The following CSMD1 variants were observed in gnomAD, a reference collection of about 807,000 sequenced individuals.
CSMD1 encodes CUB and sushi domain-containing protein 1.
Under a neutral mutation model 417.5 loss-of-function variants are expected in CSMD1, and 213 were observed. The observed-to-expected ratio is 0.51, with a 90% CI of 0.46 to 0.57. CSMD1 has a LOEUF of 0.57. Among genes scored for constraint, CSMD1 ranks in the 20% least tolerant of loss-of-function variants. The probability of loss-of-function intolerance (pLI) is 0.00; values close to 1 mark genes in which losing one functional copy is unlikely to be tolerated. For missense variants in CSMD1, 6,923 were observed against 4,529.7 expected (o/e 1.53, Z -15.17); for synonymous variants, 2,862 against 1,736.8 (o/e 1.65, Z -16.11).
intron 2 of CSMD1, among the ~76,000 whole-genome samples, chr8:4,534,331 C>A (rs371562283): frequency 7.9e-5 from 12 of 152,332 alleles, no homozygotes; most frequent in East Asian, 5.8e-4. Context: ...TACTCTCTGG[C>A]TTACTTTGAA....
chr8:4,043,265 T>C lies in CSMD1; in HGVS notation c.416-11166A>G, dbSNP rs550033574. 4.6e-5 allele frequency among the ~76,000 whole-genome samples: 7 copies of C among 151,662 alleles called. No homozygotes were observed. The East Asian group carries it at 1.2e-3, about 25-fold the overall frequency. ...ACAGCTATTAGGCTAGCATAGGAGA[T>C]AAAACGAATCACAGAAAGTACCCAA... is the stretch of plus-strand genomic sequence containing the variant. On this transcript the variant is annotated intron_variant, in intron 3 of 69. Transcript: ENST00000635120.
chr8:4,768,578 G>A (rs779396080), intron 1 of CSMD1, among the ~76,000 whole-genome samples: 2 of 152,156 alleles, frequency 1.3e-5, no homozygotes. Context: ...GATTGCACGA[G>A]CTCAGAGCTG....
chr8:3,796,429 T>TATAGATATATATCTATCATGTATATAG (rs202209320), intron 5 of CSMD1, among the ~76,000 whole-genome samples: 1 of 107,296 alleles, frequency 9.3e-6, no homozygotes, highest in African/African-American at 3.5e-5. Context: ...CATGTATAGA[T>TATAGATATATATCTATCATGTATATAG]ATATATATCT....
At position 3,560,210 on chromosome 8, in the gene CSMD1, G is replaced by A. The variant is rs78390273; in HGVS notation, c.1344+14735C>T. 8.5e-5 allele frequency among the ~76,000 whole-genome samples: 13 copies of A among 152,128 alleles called. No homozygotes were observed. In the East Asian group the frequency reaches 2.3e-3, roughly 27 times the overall value. On this transcript the variant is annotated intron_variant, in intron 10 of 69. Coordinates refer to ENST00000635120, the MANE Select transcript of CSMD1 (RefSeq NM_033225.6). The stretch of plus-strand genomic sequence containing the variant: ...AATAATGGAATGCAAAGAAATTCAA[G>A]GTCCAAAGAAGAAATTATATTAATA...
At chr8:4,289,847 G>C (rs1055104789) in intron 3 of CSMD1, among the ~76,000 whole-genome samples, 1 of 152,184 alleles carries the variant, frequency 6.6e-6, no homozygotes, top group Non-Finnish European at 1.5e-5. Flanking sequence ...GCTCAGAGTA[G>C]ATATTCAAAG....
intron 2 of CSMD1, among the ~76,000 whole-genome samples, chr8:4,601,802 T>A (rs1456308767): frequency 6.6e-6 from 1 of 152,206 alleles, no homozygotes; most frequent in Non-Finnish European, 1.5e-5. Flanking sequence ...TAAACTTGAT[T>A]TATCCATGTC....
intron 23 of CSMD1, among the ~76,000 whole-genome samples, chr8:3,320,825 G>T (rs1563269567): frequency 6.6e-6 from 1 of 152,310 alleles, no homozygotes; most frequent in South Asian, 2.1e-4. Context: ...CAGAGCGAGG[G>T]CGCAGGGTCA....
Position 4,314,214 on chromosome 8 carries a change from CGTTAATA to C in CSMD1, c.415+105732_415+105738del, listed in dbSNP as rs199715565. Among the ~76,000 whole-genome samples the C allele has an allele frequency of 8.2e-3, 1,240 of 151,962 alleles. 14 individuals are homozygous for C. Among genetic ancestry groups the C allele is most frequent in the African/African-American group, 0.029 (1,189 of 41,424 alleles). On this transcript the variant is annotated intron_variant, in intron 3 of 69. Transcript: ENST00000635120. ...CTCATTATTTTCAAGACTGCAGTCA[CGTTAATA>C]GTTAAGTCACAACACAATGCCACAT...
At chr8:3,171,913 G>A (rs1820604535) in intron 37 of CSMD1, among the ~76,000 whole-genome samples, 1 of 152,048 alleles carries the variant, frequency 6.6e-6, no homozygotes. Flanking sequence ...TCTATATTTG[G>A]GTTCAGAAAC....
chr8:4,009,303 C>A (rs1320873468), intron 4 of CSMD1, among the ~76,000 whole-genome samples: 1 of 152,142 alleles, frequency 6.6e-6, no homozygotes, highest in Admixed American at 6.5e-5. Context: ...AATTTTTGTG[C>A]CCCTTTTGTG....
chr8:3,007,328 G>A (rs982396379), intron 52 of CSMD1, among the ~76,000 whole-genome samples: 3 of 151,928 alleles, frequency 2.0e-5, no homozygotes, highest in Admixed American at 2.0e-4. Context: ...TGGTGGGACT[G>A]TAAACTAGTT....
At chr8:3,108,823 G>T in intron 43 of CSMD1, 75 bp from the exon 44 acceptor site, 2 of 1,418,706 alleles carry the variant, frequency 1.4e-6, no homozygotes, top group South Asian at 1.3e-5. Flanking sequence ...TTTGGCTAAT[G>T]AATTAATTTT....
chr8:4,562,517 G>A (rs1289773035), intron 2 of CSMD1, among the ~76,000 whole-genome samples: 1 of 152,120 alleles, frequency 6.6e-6, no homozygotes, highest in Non-Finnish European at 1.5e-5. Flanking sequence ...GAGTCAGTAA[G>A]AAAAGATAAC....
At chr8:4,605,874 G>A (rs753905429) in intron 2 of CSMD1, among the ~76,000 whole-genome samples, 2 of 152,138 alleles carry the variant, frequency 1.3e-5, no homozygotes, top group Admixed American at 6.5e-5. Flanking sequence ...GCCAAATGAG[G>A]CTGGAGTAGA....
At chr8:4,714,662 T>C (rs1030302551) in intron 1 of CSMD1, among the ~76,000 whole-genome samples, 5 of 152,244 alleles carry the variant, frequency 3.3e-5, no homozygotes, top group South Asian at 4.1e-4. Context: ...GACATACTTG[T>C]CTTTAATTTC....
At chr8:4,439,772 A>T (rs911550684) in intron 2 of CSMD1, among the ~76,000 whole-genome samples, 1 of 152,188 alleles carries the variant, frequency 6.6e-6, no homozygotes, top group African/African-American at 2.4e-5. Context: ...GGAGAATCCT[A>T]AGCCTACAAA....
At chr8:4,585,412 G>T (rs1486138893) in intron 2 of CSMD1, among the ~76,000 whole-genome samples, 1 of 152,080 alleles carries the variant, frequency 6.6e-6, no homozygotes, top group Non-Finnish European at 1.5e-5. Context: ...AATAGTAAAT[G>T]AAGAATGACT....
At chr8:4,070,573 G>A (rs1164336209) in intron 3 of CSMD1, among the ~76,000 whole-genome samples, 1 of 152,066 alleles carries the variant, frequency 6.6e-6, no homozygotes, top group Non-Finnish European at 1.5e-5. Flanking sequence ...TAGCCAGGAT[G>A]GTCTCGTTCT....
intron 5 of CSMD1, among the ~76,000 whole-genome samples, chr8:3,979,215 G>C (rs1375886248): frequency 6.6e-6 from 1 of 152,208 alleles, no homozygotes; most frequent in Non-Finnish European, 1.5e-5. Flanking sequence ...TCTCAATAAT[G>C]TATAGGAAGT....
Sources: gnomAD v4.1 joint callset for allele counts (sites outside exome capture counted in the v4.1 genomes callset) on GRCh38, gnomAD v4.1.1 for gene constraint, MANE v1.5 for transcripts, NCBI Gene and HGNC (gene_info 2026-07-23, HGNC 2026-07-21) for gene names.